The following CDIN1 variants were observed in gnomAD, a reference collection of about 807,000 sequenced individuals.
CDIN1 encodes the protein CDAN1 interacting nuclease 1, also known as CDAN1-interacting nuclease 1.
CDIN1 carries 33 observed loss-of-function variants against 45.3 expected under a neutral mutation model. The observed-to-expected ratio is 0.73, with a 90% CI of 0.55 to 0.97. The LOEUF is 0.97. CDIN1 is among the 50% of genes least tolerant of loss of function. CDIN1 has a pLI of 0.00. For synonymous variants in CDIN1, 118 were observed against 124.4 expected (o/e 0.95, Z 0.34); for missense variants, 303 against 339.4 (o/e 0.89, Z 0.84).
chr15:36,800,907 G>GTATATATATATATATATATATATA (rs1282877205), intron 10 of CDIN1, among the ~76,000 whole-genome samples: 3 of 31,622 alleles, frequency 9.5e-5, no homozygotes, highest in Non-Finnish European at 1.9e-4. Context: ...GTGTGTGTGT[G>GTATATATATATATATATATATATA]TGTATATATA....
intron 10 of CDIN1, among the ~76,000 whole-genome samples, chr15:36,773,611 A>G (rs1022606525): frequency 6.6e-6 from 1 of 152,228 alleles, no homozygotes; most frequent in African/African-American, 2.4e-5. Context: ...ATGGGATGAA[A>G]TAATTCCAGG....
At chr15:36,617,503 A>G (rs4924089) in intron 1 of CDIN1, 221,069 of 853,322 alleles carry the variant, frequency 0.26, 30,647 homozygotes, top group African/African-American at 0.34. Context: ...TTTGTCAAAG[A>G]ATCTTTACTT....
intron 8 of CDIN1, among the ~76,000 whole-genome samples, chr15:36,704,117 G>T (rs1014782550): frequency 6.6e-6 from 1 of 151,960 alleles, no homozygotes; most frequent in Non-Finnish European, 1.5e-5. Context: ...GCTCATATTC[G>T]TGTCCTCTGC....
intron 10 of CDIN1, among the ~76,000 whole-genome samples, chr15:36,752,708 CAT>C (rs2140975131): frequency 6.6e-6 from 1 of 152,272 alleles, no homozygotes; most frequent in African/African-American, 2.4e-5. Flanking sequence ...AGACTCGAAA[CAT>C]ATAATGTATT....
At chr15:36,787,291 CA>C (rs1245987990) in intron 10 of CDIN1, among the ~76,000 whole-genome samples, 1 of 152,076 alleles carries the variant, frequency 6.6e-6, no homozygotes, top group African/African-American at 2.4e-5. Context: ...CCTTCAAAAC[CA>C]AATAGAAATT....
intron 10 of CDIN1, among the ~76,000 whole-genome samples, chr15:36,717,871 C>G (rs1295225700): frequency 6.6e-6 from 1 of 152,024 alleles, no homozygotes; most frequent in Non-Finnish European, 1.5e-5. Flanking sequence ...TCAAGGCTTC[C>G]TAATAGTTGT....
At chr15:36,755,277 G>A (rs2053579220) in intron 10 of CDIN1, among the ~76,000 whole-genome samples, 1 of 152,172 alleles carries the variant, frequency 6.6e-6, no homozygotes, top group Non-Finnish European at 1.5e-5. Context: ...GAGAATGCAA[G>A]ATTAACATCA....
At chr15:36,800,901 GTGTGTGTGTATATATA>G (rs2055006139) in intron 10 of CDIN1, among the ~76,000 whole-genome samples, 1 of 22,380 alleles carries the variant, frequency 4.5e-5, no homozygotes, top group Non-Finnish European at 9.3e-5. Context: ...GTGTGTGTGT[GTGTGTGTGTATATATA>G]TATATATATA....
At chr15:36,609,443 T>A (rs1208160968) in intron 1 of CDIN1, among the ~76,000 whole-genome samples, 1 of 152,114 alleles carries the variant, frequency 6.6e-6, no homozygotes, top group South Asian at 2.1e-4. Context: ...TTGTAAAGAA[T>A]CAGGGATCTA....
At chr15:36,675,308 C>T (rs1046109969) in intron 5 of CDIN1, among the ~76,000 whole-genome samples, 2 of 152,100 alleles carry the variant, frequency 1.3e-5, no homozygotes, top group Non-Finnish European at 2.9e-5. Flanking sequence ...TTAAATTCCT[C>T]ATCCCTGTCT....
intron 10 of CDIN1, among the ~76,000 whole-genome samples, chr15:36,767,591 C>G (rs1455876968): frequency 2.6e-5 from 4 of 152,212 alleles, no homozygotes; most frequent in African/African-American, 9.7e-5. Flanking sequence ...CCCACCTGTT[C>G]AGGTCACTGA....
At chr15:36,618,211 A>G in intron 1 of CDIN1, 1 of 677,796 alleles carries the variant, frequency 1.5e-6, no homozygotes, top group South Asian at 1.7e-5. Flanking sequence ...AAAAAACCTG[A>G]AGCCTCATTT....
Position 36,768,192 on chromosome 15 carries a change from C to G in CDIN1, c.717-40132C>G, listed in dbSNP as rs1253183879. Among the ~76,000 whole-genome samples, 4 of 152,182 alleles carry G rather than the reference C, an allele frequency of 2.6e-5. No individual in the cohort carries two copies. The East Asian group carries it at 7.7e-4, about 29-fold the overall frequency. ...TGATAAAGGAGATGTAATCTTTAAA[C>G]CCTGTGACTCCACCTGAGCTGTTAA... On this transcript the variant is annotated intron_variant, in intron 10 of 10. Transcript: ENST00000566621.
chr15:36,764,026 T>G (rs2053845549), intron 10 of CDIN1, among the ~76,000 whole-genome samples: 1 of 152,118 alleles, frequency 6.6e-6, no homozygotes, highest in Admixed American at 6.5e-5. Flanking sequence ...CCCCTTCTAT[T>G]CAGACTTCAA....
At chr15:36,769,683 A>G (rs1304468793) in intron 10 of CDIN1, among the ~76,000 whole-genome samples, 1 of 152,162 alleles carries the variant, frequency 6.6e-6, no homozygotes, top group Non-Finnish European at 1.5e-5. Flanking sequence ...ATGAAACGTG[A>G]AGCTGAAAAA....
At chr15:36,774,313 G>C (rs79671931) in intron 10 of CDIN1, among the ~76,000 whole-genome samples, 4 of 151,958 alleles carry the variant, frequency 2.6e-5, no homozygotes, top group African/African-American at 9.7e-5. Flanking sequence ...AAATAAGCAC[G>C]ACCTATTCCT....
At chr15:36,800,899 GTGTGTGTGTGTATATATA>G (rs1339065175) in intron 10 of CDIN1, among the ~76,000 whole-genome samples, 5 of 25,818 alleles carry the variant, frequency 1.9e-4, no homozygotes, top group Admixed American at 6.5e-4. Context: ...GTGTGTGTGT[GTGTGTGTGTGTATATATA>G]TATATATATA....
chr15:36,800,905 G>GTCTATATA (rs1437486563), intron 10 of CDIN1, among the ~76,000 whole-genome samples: 1 of 22,102 alleles, frequency 4.5e-5, no homozygotes, highest in East Asian at 2.3e-3. Flanking sequence ...GTGTGTGTGT[G>GTCTATATA]TGTGTATATA....
rs10634949 is a variant in CDIN1 at position 36,653,456 on chromosome 15, TA to T, written c.213-628del. ...GGGGAATGACACATTCAAATTTTTG[TA>T]AAAAAAAAAAAAATCCCCCCAGCTT... On this transcript the variant is annotated intron_variant, in intron 3 of 10. Coordinates refer to ENST00000566621, the MANE Select transcript of CDIN1 (RefSeq NM_001321759.2). Among the ~76,000 whole-genome samples the T allele has an allele frequency of 2.8e-3, 415 of 147,234 alleles. 1 individual carries two copies. Among genetic ancestry groups the T allele is most frequent in the African/African-American group, 9.0e-3 (361 of 40,194 alleles).
Sources: gnomAD v4.1 joint callset for allele counts (sites outside exome capture counted in the v4.1 genomes callset) on GRCh38, gnomAD v4.1.1 for gene constraint, MANE v1.5 for transcripts, NCBI Gene and HGNC (gene_info 2026-07-23, HGNC 2026-07-21) for gene names.